SPTSSA: variants seen among roughly 807,000 people sequenced by gnomAD.
SPTSSA encodes the protein small subunit of serine palmitoyltransferase A.
In SPTSSA, 8 loss-of-function variants were observed where a neutral mutation model predicts 9.1. The observed-to-expected ratio is 0.88, with a 90% CI of 0.51 to 1.58. The LOEUF (loss-of-function observed/expected upper bound fraction) is 1.58. Ranked by LOEUF, SPTSSA falls within the 40% of genes most tolerant of loss-of-function variation. The pLI is 0.00. For synonymous variants in SPTSSA, 42 were observed against 37.7 expected (o/e 1.11, Z -0.41); for missense variants, 100 against 93.8 (o/e 1.07, Z -0.27).
At chr14:34,455,646 T>C (rs1457866593) in intron 1 of SPTSSA, among the ~76,000 whole-genome samples, 2 of 152,018 alleles carry the variant, frequency 1.3e-5, no homozygotes, top group African/African-American at 2.4e-5. Context: ...AAAAAGTCCT[T>C]TTAGGCCAGG....
chr14:34,449,273 T>C lies in SPTSSA; in HGVS notation c.112+12823A>G, dbSNP rs574083982. On this transcript the variant is annotated intron_variant, in intron 1 of 1. Transcript: ENST00000298130. Reference sequence around the variant, plus strand: ...AGCCAGGCATGGTGATATATGCCTGTAGTCCCAGATACTCGGGAGGATGAA... The same window carrying C: ...AGCCAGGCATGGTGATATATGCCTGCAGTCCCAGATACTCGGGAGGATGAA... Among the ~76,000 whole-genome samples, 25 of 152,148 alleles carry C rather than the reference T, an allele frequency of 1.6e-4. No individual in the cohort carries two copies. In the East Asian group the frequency reaches 4.7e-3, roughly 28 times the overall value.
intron 1 of SPTSSA, among the ~76,000 whole-genome samples, chr14:34,453,121 G>A (rs80254658): frequency 0.012 from 1,763 of 152,230 alleles, 44 homozygotes; most frequent in African/African-American, 0.04. Context: ...TTATCAATAA[G>A]GCTCCAGTCA....
intron 1 of SPTSSA, among the ~76,000 whole-genome samples, chr14:34,460,564 T>C (rs1878595920): frequency 6.6e-6 from 1 of 152,176 alleles, no homozygotes; most frequent in Non-Finnish European, 1.5e-5. Flanking sequence ...GTGTGTAAAA[T>C]CTATATTAGA....
chr14:34,437,028 C>T (rs1159771859), intron 1 of SPTSSA, among the ~76,000 whole-genome samples: 1 of 152,106 alleles, frequency 6.6e-6, no homozygotes, highest in Non-Finnish European at 1.5e-5. Context: ...CCATCTGATT[C>T]TTACTCCTCC....
rs575375908 is a variant in SPTSSA at position 34,438,332 on chromosome 14, G to A, written c.113-3028C>T. Among the ~76,000 whole-genome samples, 6 of 151,948 alleles carry A rather than the reference G, an allele frequency of 3.9e-5. No individual in the cohort carries two copies. The East Asian group carries it at 1.2e-3, about 29-fold the overall frequency. ...AGAATATTTGCATTATACTTAACCCGGTGAGCACACCTAATCCAGTATCAA... is the reference window on the plus strand; with the variant it reads ...AGAATATTTGCATTATACTTAACCCAGTGAGCACACCTAATCCAGTATCAA... On this transcript the variant is annotated intron_variant, in intron 1 of 1. Transcript: ENST00000298130.
intron 1 of SPTSSA, among the ~76,000 whole-genome samples, chr14:34,459,458 C>CA (rs778799046): frequency 0.042 from 4,579 of 108,294 alleles, 138 homozygotes; most frequent in African/African-American, 0.093. Context: ...GACACCGTCT[C>CA]AAAAAAAAAA....
At chr14:34,441,667 T>C (rs1159327659) in intron 1 of SPTSSA, among the ~76,000 whole-genome samples, 1 of 151,796 alleles carries the variant, frequency 6.6e-6, no homozygotes, top group Non-Finnish European at 1.5e-5. Context: ...ACTCTCTCTC[T>C]CTCTCCTCTC....
chr14:34,445,109 A>G (rs1883398667), intron 1 of SPTSSA, among the ~76,000 whole-genome samples: 1 of 152,018 alleles, frequency 6.6e-6, no homozygotes, highest in Non-Finnish European at 1.5e-5. Flanking sequence ...TTTTAAAAAG[A>G]CTACTAAAAA....
chr14:34,440,547 C>T (rs866769907), intron 1 of SPTSSA, among the ~76,000 whole-genome samples: 6 of 152,062 alleles, frequency 3.9e-5, no homozygotes, highest in African/African-American at 7.2e-5. Context: ...TTAAGGAACA[C>T]GCATATATTA....
At chr14:34,460,667 A>C (rs1878600883) in intron 1 of SPTSSA, among the ~76,000 whole-genome samples, 1 of 152,190 alleles carries the variant, frequency 6.6e-6, no homozygotes, top group African/African-American at 2.4e-5. Context: ...CATTGTTTAA[A>C]TTAATTTTAG....
At chr14:34,455,353 C>T (rs1278660653) in intron 1 of SPTSSA, among the ~76,000 whole-genome samples, 1 of 151,712 alleles carries the variant, frequency 6.6e-6, no homozygotes, top group Non-Finnish European at 1.5e-5. Context: ...CACCACTGCA[C>T]TCTAGCCTGA....
At chr14:34,440,838 G>A (rs536400981) in intron 1 of SPTSSA, among the ~76,000 whole-genome samples, 3 of 151,584 alleles carry the variant, frequency 2.0e-5, no homozygotes, top group South Asian at 2.1e-4. Context: ...CCGAGATGGC[G>A]CCACTGCACT....
intron 1 of SPTSSA, among the ~76,000 whole-genome samples, chr14:34,440,959 T>C (rs1379362976): frequency 6.6e-6 from 1 of 152,064 alleles, no homozygotes; most frequent in Non-Finnish European, 1.5e-5. Context: ...GCTTTTAAAT[T>C]TTTTACATGC....
intron 1 of SPTSSA, among the ~76,000 whole-genome samples, chr14:34,453,995 C>T (rs1883569567): frequency 6.6e-6 from 1 of 151,994 alleles, no homozygotes; most frequent in African/African-American, 2.4e-5. Flanking sequence ...ACCTAGGCAA[C>T]CTAGTGAGAC....
intron 1 of SPTSSA, among the ~76,000 whole-genome samples, chr14:34,442,400 G>C (rs1883333992): frequency 6.6e-6 from 1 of 152,188 alleles, no homozygotes; most frequent in South Asian, 2.1e-4. Flanking sequence ...AAAGCTCATA[G>C]TAGGCTCTGG....
chr14:34,452,150 A>G (rs1883538855), intron 1 of SPTSSA, among the ~76,000 whole-genome samples: 1 of 151,576 alleles, frequency 6.6e-6, no homozygotes, highest in Admixed American at 6.6e-5. Context: ...TCGGGAGGCT[A>G]AGGCATGAGA....
At chr14:34,442,983 T>TGTGTGTGTGA (rs750212266) in intron 1 of SPTSSA, among the ~76,000 whole-genome samples, 4,305 of 148,360 alleles carry the variant, frequency 0.029, 108 homozygotes, top group African/African-American at 0.067. Context: ...TGTGTGTGTG[T>TGTGTGTGTGA]GAGATGGAGT....
chr14:34,433,997 C>T lies in SPTSSA; in HGVS notation c.*1204G>A, dbSNP rs549267999. ...AAAACAAAAAAACAACCCAGCAACA[C>T]ACATAATTGCCTAATTCTTTTCAAT... On this transcript the variant is annotated 3_prime_UTR_variant, in exon 2 of 2. Coordinates refer to ENST00000298130, the MANE Select transcript of SPTSSA (RefSeq NM_138288.4). 6.6e-6 allele frequency: 1 copy of T among 150,540 alleles called. No homozygotes were observed. The highest frequency in any genetic ancestry group is 1.5e-5 in the Non-Finnish European group (1 of 67,766). The allele number at this position is 150,540 out of a possible 1,614,324, so 9.3% of individuals were successfully genotyped here.
In SPTSSA at chr14:34,462,097, G is replaced by A. The variant is rs1878633158; in HGVS notation, c.111C>T (p.Phe37=). ...GCGCGCGCGGCCGGGACAGGATACTGAACACCGTCCGCTCCCAGGGCTCCA... is the reference window on the plus strand; with the variant it reads ...GCGCGCGCGGCCGGGACAGGATACTAAACACCGTCCGCTCCCAGGGCTCCA... ...YMLEPWERTV[F]NSMLVSIVGM... The change falls in exon 1 of 2, where the codon TTC becomes TTT. Residue 37 remains phenylalanine, a splice_region_variant and synonymous_variant. Transcript: ENST00000298130. 1.3e-6 allele frequency: 2 copies of A among 1,499,268 alleles called. No homozygotes were observed. The highest frequency in any genetic ancestry group is 1.2e-5 in the South Asian group (1 of 83,878). The allele number at this position is 1,499,268 out of a possible 1,614,324, so 92.9% of individuals were successfully genotyped here.
Sources: allele counts gnomAD v4.1 joint callset (sites outside exome capture counted in the v4.1 genomes callset), GRCh38; gene constraint gnomAD v4.1.1; transcripts MANE v1.5; gene names NCBI Gene and HGNC (gene_info 2026-07-23, HGNC 2026-07-21).